Variants in CADM2 observed in about 807,000 individuals in gnomAD.
CADM2 encodes the protein cell adhesion molecule 2, also known as immunoglobulin superfamily member 4D.
Under a neutral mutation model 49.8 loss-of-function variants are expected in CADM2, and 12 were observed. That is an observed-to-expected ratio of 0.24 (90% CI 0.15 to 0.39). The LOEUF is 0.39. CADM2 is among the 10% of genes least tolerant of loss of function. CADM2 has a pLI of 1.00. For missense variants in CADM2, 378 were observed against 492.3 expected (o/e 0.77, Z 2.20); for synonymous variants, 214 against 175.4 (o/e 1.22, Z -1.74).
At chr3:85,992,302 G>A (rs1291152180) in intron 8 of CADM2, 1 of 151,852 alleles carries the variant, frequency 6.6e-6, no homozygotes, top group African/African-American at 2.4e-5. Flanking sequence ...ATCTTAATAT[G>A]TCAATAATTG....
chr3:85,597,233 TAAGAAGCTTATACAACTCTCAAATCTA>T (rs915322206), intron 1 of CADM2, among the ~76,000 whole-genome samples: 20 of 152,050 alleles, frequency 1.3e-4, no homozygotes, highest in Non-Finnish European at 2.4e-4. Context: ...TAAGTACACG[TAAGAAGCTTATACAACTCTCAAATCTA>T]TATGGTACTT....
At chr3:85,789,995 A>T (rs2071231073) in intron 2 of CADM2, among the ~76,000 whole-genome samples, 1 of 152,230 alleles carries the variant, frequency 6.6e-6, no homozygotes, top group African/African-American at 2.4e-5. Flanking sequence ...AAGAACATAA[A>T]GCATCCTTTA....
At chr3:85,368,646 A>G (rs2032976040) in intron 1 of CADM2, among the ~76,000 whole-genome samples, 1 of 151,992 alleles carries the variant, frequency 6.6e-6, no homozygotes, top group Admixed American at 6.6e-5. Context: ...TTAAAACACA[A>G]ATATCTTCTA....
intron 1 of CADM2, among the ~76,000 whole-genome samples, chr3:85,128,496 T>A (rs2039112339): frequency 6.6e-6 from 1 of 152,210 alleles, no homozygotes; most frequent in South Asian, 2.1e-4. Flanking sequence ...TTTCTAACAA[T>A]CCTAGAAGTG....
chr3:85,814,131 G>A (rs2073059078), intron 3 of CADM2, among the ~76,000 whole-genome samples: 1 of 152,054 alleles, frequency 6.6e-6, no homozygotes, highest in South Asian at 2.1e-4. Context: ...ATTACTTTGG[G>A]CATTATGGCC....
chr3:85,641,351 C>T (rs1042862916), intron 1 of CADM2, among the ~76,000 whole-genome samples: 1 of 152,148 alleles, frequency 6.6e-6, no homozygotes, highest in Non-Finnish European at 1.5e-5. Flanking sequence ...CATCATGAGG[C>T]ACGTAGAACT....
chr3:85,641,709 G>A (rs1239198862), intron 1 of CADM2, among the ~76,000 whole-genome samples: 1 of 151,698 alleles, frequency 6.6e-6, no homozygotes, highest in Non-Finnish European at 1.5e-5. Context: ...GGCAGATCAC[G>A]AGGTCAGGAG....
intron 1 of CADM2, among the ~76,000 whole-genome samples, chr3:85,318,771 G>A (rs2044530827): frequency 2.0e-5 from 3 of 152,246 alleles, no homozygotes; most frequent in South Asian, 4.1e-4. Flanking sequence ...GAGTTGGATA[G>A]ACCATTGTAG....
rs191111005 is a variant in CADM2, at chr3:85,925,997, C to T, written c.701-9770C>T. On this transcript the variant is annotated intron_variant, in intron 6 of 9. Transcript: ENST00000383699. ...TTAAAAATATAAAAAAATGACCGGG[C>T]GTGGTGGAAGACGCCTGTAGTCCCA... Among the ~76,000 whole-genome samples, 602 of 151,638 alleles carry T rather than the reference C, an allele frequency of 4.0e-3. 10 individuals carry two copies. The highest frequency in any genetic ancestry group is 0.012 in the African/African-American group (497 of 41,348).
chr3:85,306,337 C>G (rs182410582), intron 1 of CADM2, among the ~76,000 whole-genome samples: 1 of 151,674 alleles, frequency 6.6e-6, no homozygotes, highest in Non-Finnish European at 1.5e-5. Context: ...AAGATGACTT[C>G]TCTATGGTCA....
intron 1 of CADM2, among the ~76,000 whole-genome samples, chr3:85,571,344 G>A (rs543963640): frequency 6.6e-6 from 1 of 151,682 alleles, no homozygotes; most frequent in South Asian, 2.1e-4. Context: ...ATAAAACTTA[G>A]TGCAATAGAA....
At chr3:85,521,817 G>A (rs1240490047) in intron 1 of CADM2, among the ~76,000 whole-genome samples, 1 of 152,000 alleles carries the variant, frequency 6.6e-6, no homozygotes, top group Non-Finnish European at 1.5e-5. Context: ...GAATCGAAAA[G>A]GACATAGAAA....
chr3:85,265,137 A>C (rs907196499), intron 1 of CADM2, among the ~76,000 whole-genome samples: 4 of 152,068 alleles, frequency 2.6e-5, no homozygotes, highest in Non-Finnish European at 4.4e-5. Context: ...ATAGCAAGAA[A>C]ATACAGAATC....
At chr3:85,482,477 C>T (rs2039254293) in intron 1 of CADM2, among the ~76,000 whole-genome samples, 1 of 151,734 alleles carries the variant, frequency 6.6e-6, no homozygotes, top group Non-Finnish European at 1.5e-5. Context: ...ATCTCCTTGA[C>T]TTACTACTCT....
intron 1 of CADM2, among the ~76,000 whole-genome samples, chr3:85,698,977 G>C (rs537603671): frequency 1.3e-5 from 2 of 152,150 alleles, no homozygotes; most frequent in African/African-American, 2.4e-5. Flanking sequence ...AAACAAGTTA[G>C]TTACTCCCAA....
At chr3:84,991,166 G>A (rs1470631730) in intron 1 of CADM2, among the ~76,000 whole-genome samples, 1 of 151,920 alleles carries the variant, frequency 6.6e-6, no homozygotes, top group African/African-American at 2.4e-5. Flanking sequence ...GATCTTTCCA[G>A]TATTTCAGAT....
chr3:85,195,228 C>T (rs2041312470), intron 1 of CADM2, among the ~76,000 whole-genome samples: 1 of 152,028 alleles, frequency 6.6e-6, no homozygotes, highest in African/African-American at 2.4e-5. Flanking sequence ...AATTGTTTGA[C>T]TAAGTGATGT....
At chr3:85,456,021 G>C (rs1250149094) in intron 1 of CADM2, among the ~76,000 whole-genome samples, 1 of 152,172 alleles carries the variant, frequency 6.6e-6, no homozygotes. Context: ...ACATTTGATA[G>C]TGAAGAACTT....
chr3:85,610,834 T>C (rs924252743), intron 1 of CADM2, among the ~76,000 whole-genome samples: 20 of 151,996 alleles, frequency 1.3e-4, no homozygotes, highest in African/African-American at 4.3e-4. Flanking sequence ...TGAATATCTT[T>C]TTATTTGATT....
Sources: allele counts gnomAD v4.1 joint callset (sites outside exome capture counted in the v4.1 genomes callset), GRCh38; gene constraint gnomAD v4.1.1; transcripts MANE v1.5; gene names NCBI Gene and HGNC (gene_info 2026-07-23, HGNC 2026-07-21).